ANKS1B: variants seen among roughly 807,000 people sequenced by gnomAD.
The protein encoded by ANKS1B is ankyrin repeat and sterile alpha motif domain containing 1B, also known as ankyrin repeat and sterile alpha motif domain-containing protein 1B.
Under a neutral mutation model 148.3 loss-of-function variants are expected in ANKS1B, and 36 were observed. The ratio of observed to expected loss-of-function variants is 0.24; its 90% CI spans 0.19 to 0.32. ANKS1B has a LOEUF of 0.32. Ranked by LOEUF, ANKS1B falls within the 10% of genes least tolerant of loss-of-function variation. The pLI, the probability that ANKS1B is intolerant of heterozygous loss-of-function variation, is 1.00. For synonymous variants in ANKS1B, 542 were observed against 560.8 expected, an observed-to-expected ratio of 0.97 and a Z score of 0.47; for missense variants, 1,157 against 1,542.6, an observed-to-expected ratio of 0.75 and a Z score of 4.19.
chr12:99,909,407 C>A (rs2153784742), intron 1 of ANKS1B, among the ~76,000 whole-genome samples: 1 of 152,182 alleles, frequency 6.6e-6, no homozygotes, highest in South Asian at 2.1e-4. Context: ...TGGATACATA[C>A]CCACAAGAGG....
intron 19 of ANKS1B, among the ~76,000 whole-genome samples, chr12:98,808,579 G>A (rs1440277787): frequency 6.6e-6 from 1 of 152,056 alleles, no homozygotes; most frequent in Admixed American, 6.6e-5. Flanking sequence ...AAACCCTTGG[G>A]AACAGCATTT....
intron 15 of ANKS1B, among the ~76,000 whole-genome samples, chr12:99,088,845 T>TTTTG (rs2153638667): frequency 1.5e-5 from 2 of 136,236 alleles, no homozygotes; most frequent in South Asian, 2.5e-4. Flanking sequence ...TCTGTTTTTT[T>TTTTG]TTTTTTTTTT....
At chr12:99,110,532 C>A (rs2060085916) in intron 15 of ANKS1B, among the ~76,000 whole-genome samples, 1 of 152,162 alleles carries the variant, frequency 6.6e-6, no homozygotes, top group Non-Finnish European at 1.5e-5. Flanking sequence ...CATTCTAGGT[C>A]ATTTATTCAT....
At chr12:99,255,788 A>C (rs895565293) in intron 12 of ANKS1B, among the ~76,000 whole-genome samples, 3 of 152,164 alleles carry the variant, frequency 2.0e-5, no homozygotes, top group Admixed American at 6.5e-5. Flanking sequence ...GGGAATCTTA[A>C]TTTAACTTAA....
chr12:99,649,016 CTCT>C lies in ANKS1B; in HGVS notation c.1272+6048_1272+6050del, dbSNP rs142395068. Among the ~76,000 whole-genome samples the C allele has an allele frequency of 4.1e-3, 618 of 152,288 alleles. 4 individuals carry two copies. The highest frequency in any genetic ancestry group is 0.014 in the African/African-American group (583 of 41,568). ...TCAGAGATTTCTTAGCTGTCAGCAA[CTCT>C]TCATTTTATATCCACAGCTGTTCAT... On this transcript the variant is annotated intron_variant, in intron 9 of 26. Coordinates refer to ENST00000683438, the MANE Select transcript of ANKS1B (RefSeq NM_001352186.2).
chr12:99,930,001 G>C (rs1271942120), intron 1 of ANKS1B, among the ~76,000 whole-genome samples: 1 of 151,962 alleles, frequency 6.6e-6, no homozygotes, highest in Non-Finnish European at 1.5e-5. Context: ...GGTTCCACAT[G>C]AACTTTAAAG....
intron 9 of ANKS1B, among the ~76,000 whole-genome samples, chr12:99,535,099 G>A (rs2097052488): frequency 6.6e-6 from 1 of 152,108 alleles, no homozygotes; most frequent in Non-Finnish European, 1.5e-5. Flanking sequence ...CCAACCACTA[G>A]TTATTTAATA....
At chr12:99,291,190 T>C (rs759479502) in intron 12 of ANKS1B, among the ~76,000 whole-genome samples, 22 of 151,914 alleles carry the variant, frequency 1.4e-4, no homozygotes, top group Non-Finnish European at 2.9e-4. Flanking sequence ...GTGAAAGATA[T>C]CTAAAATAAA....
At chr12:99,933,774 T>C (rs1321475031) in intron 1 of ANKS1B, among the ~76,000 whole-genome samples, 4 of 152,114 alleles carry the variant, frequency 2.6e-5, no homozygotes, top group East Asian at 3.9e-4. Context: ...TGCAGTACCA[T>C]GTTGAATAAC....
At chr12:99,836,836 C>G (rs985460614) in intron 1 of ANKS1B, among the ~76,000 whole-genome samples, 1 of 152,102 alleles carries the variant, frequency 6.6e-6, no homozygotes, top group African/African-American at 2.4e-5. Flanking sequence ...CATTGTCACA[C>G]GAACACTGAT....
chr12:99,924,408 T>C (rs1413750537), intron 1 of ANKS1B, among the ~76,000 whole-genome samples: 1 of 152,182 alleles, frequency 6.6e-6, no homozygotes, highest in Non-Finnish European at 1.5e-5. Context: ...CTTACACTAA[T>C]ATTTGAGGTA....
intron 12 of ANKS1B, among the ~76,000 whole-genome samples, chr12:99,308,520 C>T (rs2082661374): frequency 6.6e-6 from 1 of 151,868 alleles, no homozygotes; most frequent in African/African-American, 2.4e-5. Context: ...TGTATTAATT[C>T]CACATCATCT....
chr12:98,941,938 C>A (rs925463737), intron 17 of ANKS1B, among the ~76,000 whole-genome samples: 4 of 152,106 alleles, frequency 2.6e-5, no homozygotes, highest in African/African-American at 9.7e-5. Context: ...ACATATTGAG[C>A]CATAACTTTG....
At chr12:99,341,434 G>A (rs974931937) in intron 12 of ANKS1B, among the ~76,000 whole-genome samples, 3 of 152,018 alleles carry the variant, frequency 2.0e-5, no homozygotes, top group African/African-American at 7.2e-5. Flanking sequence ...TTTCACACAT[G>A]AGTACCAGTA....
At chr12:99,367,953 C>T (rs1377219861) in intron 12 of ANKS1B, among the ~76,000 whole-genome samples, 3 of 151,972 alleles carry the variant, frequency 2.0e-5, no homozygotes, top group African/African-American at 4.8e-5. Flanking sequence ...TATAATTTTA[C>T]AAATGAAAAT....
chr12:98,814,110 C>A (rs10860371), intron 19 of ANKS1B, among the ~76,000 whole-genome samples: 39,832 of 151,550 alleles, frequency 0.26, 5,789 homozygotes, highest in Middle Eastern at 0.34. Context: ...GAACTCCTGA[C>A]CTCAGGTGAT....
At chr12:99,712,108 A>C (rs1401600765) in intron 8 of ANKS1B, among the ~76,000 whole-genome samples, 1 of 152,182 alleles carries the variant, frequency 6.6e-6, no homozygotes, top group Admixed American at 6.5e-5. Flanking sequence ...AAAACCAAAC[A>C]TTGCCTGTTC....
At chr12:98,834,326 C>A (rs1278296395) in intron 17 of ANKS1B, among the ~76,000 whole-genome samples, 2 of 152,172 alleles carry the variant, frequency 1.3e-5, no homozygotes, top group African/African-American at 2.4e-5. Context: ...TGTAAGTGAA[C>A]CATGGCTTTA....
chr12:99,612,072 T>C (rs1206738422), intron 9 of ANKS1B, among the ~76,000 whole-genome samples: 1 of 152,030 alleles, frequency 6.6e-6, no homozygotes, highest in East Asian at 1.9e-4. Flanking sequence ...AGTTAAAAAA[T>C]AGCAGCAGTA....
Sources: allele counts gnomAD v4.1 joint callset (sites outside exome capture counted in the v4.1 genomes callset), GRCh38; gene constraint gnomAD v4.1.1; transcripts MANE v1.5; gene names NCBI Gene and HGNC (gene_info 2026-07-23, HGNC 2026-07-21).